Variants in MYO3B observed in about 807,000 individuals in gnomAD.
MYO3B encodes the protein myosin-IIIb.
Under a neutral mutation model 174.6 loss-of-function variants are expected in MYO3B, and 156 were observed. The ratio of observed to expected loss-of-function variants is 0.89; its 90% CI spans 0.78 to 1.02. The LOEUF (loss-of-function observed/expected upper bound fraction) is 1.02, where lower values mean the gene tolerates loss of function less well. Ranked by LOEUF, MYO3B falls within the 50% of genes least tolerant of loss-of-function variation. The pLI is 0.00. For synonymous variants in MYO3B, 563 were observed against 569.1 expected (o/e 0.99, Z 0.15); for missense variants, 1,632 against 1,639.4 (o/e 1.00, Z 0.08).
chr2:170,288,627 T>G (rs2093574245), intron 7 of MYO3B, among the ~76,000 whole-genome samples: 1 of 152,098 alleles, frequency 6.6e-6, no homozygotes, highest in Admixed American at 6.6e-5. Context: ...GGTGGAATCT[T>G]TAGGTTTTTC....
intron 8 of MYO3B, chr2:170,341,260 T>C (rs1273494890): frequency 2.6e-5 from 4 of 152,208 alleles, no homozygotes; most frequent in Admixed American, 2.0e-4. Flanking sequence ...CTCTTAGCCT[T>C]TCTCCATTTT....
chr2:170,491,070 C>T (rs1251153801), intron 25 of MYO3B, among the ~76,000 whole-genome samples: 1 of 151,944 alleles, frequency 6.6e-6, no homozygotes, highest in African/African-American at 2.4e-5. Flanking sequence ...CTACTTTGAT[C>T]TTTATTATTT....
At chr2:170,478,629 T>A (rs919992609) in intron 25 of MYO3B, among the ~76,000 whole-genome samples, 1 of 143,934 alleles carries the variant, frequency 6.9e-6, no homozygotes, top group African/African-American at 2.5e-5. Flanking sequence ...AGTACAGTAA[T>A]GCGATCTCAG....
At position 170,527,780 on chromosome 2, in the gene MYO3B, G is replaced by A. The variant is rs151104890; in HGVS notation, c.3575+8240G>A. Among the ~76,000 whole-genome samples the A allele has an allele frequency of 4.4e-3, 663 of 152,316 alleles. 8 individuals carry two copies. Among genetic ancestry groups the A allele is most frequent in the African/African-American group, 0.015 (622 of 41,570 alleles). On this transcript the variant is annotated intron_variant, in intron 30 of 34. Coordinates refer to ENST00000408978, the MANE Select transcript of MYO3B (RefSeq NM_138995.5). Reference sequence around the variant, plus strand: ...ATTGTGAGAATAAACCATAGGAAACGTTTAGATGACTACCTAGTACGTAGT... The same window carrying A: ...ATTGTGAGAATAAACCATAGGAAACATTTAGATGACTACCTAGTACGTAGT...
chr2:170,605,330 T>C (rs1463050362), intron 32 of MYO3B, among the ~76,000 whole-genome samples: 1 of 152,186 alleles, frequency 6.6e-6, no homozygotes, highest in Non-Finnish European at 1.5e-5. Context: ...TTCTTCTCCC[T>C]TTACATTTAT....
intron 27 of MYO3B, among the ~76,000 whole-genome samples, chr2:170,500,457 A>G (rs6433207): frequency 0.92 from 140,204 of 152,048 alleles, 65,622 homozygotes; most frequent in Non-Finnish European, 1. Flanking sequence ...ACAGTTGAAT[A>G]TCTTCTGGAG....
intron 12 of MYO3B, among the ~76,000 whole-genome samples, chr2:170,385,224 T>C (rs552575893): frequency 6.6e-6 from 1 of 152,268 alleles, no homozygotes; most frequent in Admixed American, 6.5e-5. Flanking sequence ...AATCTCCTTG[T>C]TCAAGAATTT....
At chr2:170,385,465 G>A (rs2094366992) in intron 12 of MYO3B, among the ~76,000 whole-genome samples, 2 of 152,092 alleles carry the variant, frequency 1.3e-5, no homozygotes, top group Non-Finnish European at 2.9e-5. Flanking sequence ...GGTTTTAGGA[G>A]CTCAGTGCCA....
intron 25 of MYO3B, among the ~76,000 whole-genome samples, chr2:170,472,450 C>A (rs1200960546): frequency 6.6e-6 from 1 of 152,152 alleles, no homozygotes; most frequent in African/African-American, 2.4e-5. Flanking sequence ...TTCTCCAAGC[C>A]CTCAGTCTGC....
intron 16 of MYO3B, among the ~76,000 whole-genome samples, chr2:170,397,636 T>C (rs1157861898): frequency 6.6e-6 from 1 of 152,196 alleles, no homozygotes; most frequent in East Asian, 1.9e-4. Context: ...ACACCAAATA[T>C]GTGGGTTTTT....
intron 8 of MYO3B, among the ~76,000 whole-genome samples, chr2:170,368,404 T>C (rs1434297280): frequency 6.6e-6 from 1 of 152,226 alleles, no homozygotes; most frequent in Non-Finnish European, 1.5e-5. Flanking sequence ...GGAGGGATAT[T>C]CGTCAGATTC....
Position 170,435,228 on chromosome 2 carries a change from A to G in MYO3B, c.2651-8739A>G, listed in dbSNP as rs76008297. Among the ~76,000 whole-genome samples the G allele has an allele frequency of 1.1e-3, 163 of 152,316 alleles. 1 individual carries two copies. Among genetic ancestry groups the G allele is most frequent in the African/African-American group, 3.9e-3 (162 of 41,568 alleles). On this transcript the variant is annotated intron_variant, in intron 22 of 34. Coordinates refer to ENST00000408978, the MANE Select transcript of MYO3B (RefSeq NM_138995.5). ...AGTCAAGGTCAGAGTTTGTTGAGAA[A>G]TCGTTTATTTTTAGGAGGGTCTTTC... is the stretch of plus-strand genomic sequence containing the variant.
intron 7 of MYO3B, among the ~76,000 whole-genome samples, chr2:170,279,513 A>G (rs1037196880): frequency 6.6e-6 from 1 of 151,948 alleles, no homozygotes; most frequent in Non-Finnish European, 1.5e-5. Context: ...TTTGTTACAT[A>G]GGTAAACTTG....
intron 22 of MYO3B, among the ~76,000 whole-genome samples, chr2:170,434,692 T>G (rs578169012): frequency 1.1e-3 from 171 of 152,302 alleles, no homozygotes; most frequent in Non-Finnish European, 2.0e-3. Flanking sequence ...GGAAGTTAAG[T>G]TTAGAAGGCA....
At chr2:170,318,960 G>T (rs1487981103) in intron 7 of MYO3B, among the ~76,000 whole-genome samples, 1 of 152,182 alleles carries the variant, frequency 6.6e-6, no homozygotes, top group East Asian at 1.9e-4. Flanking sequence ...TGAGAAGAAA[G>T]AATAGGAAAG....
intron 32 of MYO3B, among the ~76,000 whole-genome samples, chr2:170,592,190 G>A (rs1693858719): frequency 6.6e-6 from 1 of 152,136 alleles, no homozygotes; most frequent in South Asian, 2.1e-4. Flanking sequence ...TCTCGTATGT[G>A]CCATTCTGTT....
intron 32 of MYO3B, among the ~76,000 whole-genome samples, chr2:170,613,215 A>G (rs184977162): frequency 6.6e-6 from 1 of 152,300 alleles, no homozygotes; most frequent in East Asian, 1.9e-4. Context: ...GCATGAAAAC[A>G]ACCTCCCATC....
intron 7 of MYO3B, among the ~76,000 whole-genome samples, chr2:170,297,563 A>G (rs1438822298): frequency 2.0e-5 from 3 of 152,204 alleles, no homozygotes; most frequent in Non-Finnish European, 4.4e-5. Context: ...GATAGAGGGG[A>G]AAGAAGAAAG....
At chr2:170,245,707 T>G (rs2093182045) in intron 7 of MYO3B, among the ~76,000 whole-genome samples, 1 of 152,218 alleles carries the variant, frequency 6.6e-6, no homozygotes, top group Non-Finnish European at 1.5e-5. Flanking sequence ...CTCTCTATAT[T>G]CTGTGGCTTC....
Sources: gnomAD v4.1 joint callset for allele counts (sites outside exome capture counted in the v4.1 genomes callset) on GRCh38, gnomAD v4.1.1 for gene constraint, MANE v1.5 for transcripts, NCBI Gene and HGNC (gene_info 2026-07-23, HGNC 2026-07-21) for gene names.